The following SGTB variants were observed in gnomAD, a reference collection of about 807,000 sequenced individuals.
SGTB encodes the protein small glutamine-rich tetratricopeptide repeat-containing protein beta.
In SGTB, 19 loss-of-function variants were observed where a neutral mutation model predicts 43.9. The ratio of observed to expected loss-of-function variants is 0.43; its 90% CI spans 0.30 to 0.63. SGTB has a LOEUF of 0.63. Among genes scored for constraint, SGTB ranks in the 30% least tolerant of loss-of-function variants. The pLI is 0.12. For missense variants in SGTB, 304 were observed against 358.9 expected (o/e 0.85, Z 1.24); for synonymous variants, 116 against 117.3 (o/e 0.99, Z 0.07).
chr5:65,672,563 A>C (rs1581243616), intron 8 of SGTB, among the ~76,000 whole-genome samples: 1 of 152,320 alleles, frequency 6.6e-6, no homozygotes, highest in South Asian at 2.1e-4. Context: ...AATTAAGCCA[A>C]AAGGAAAAAT....
chr5:65,702,391 G>C (rs1757842431), intron 5 of SGTB, among the ~76,000 whole-genome samples: 1 of 152,152 alleles, frequency 6.6e-6, no homozygotes, highest in African/African-American at 2.4e-5. Context: ...GAAATACCTA[G>C]ACTTCTCTCT....
intron 3 of SGTB, among the ~76,000 whole-genome samples, chr5:65,711,410 A>C (rs1239346441): frequency 6.6e-6 from 1 of 152,320 alleles, no homozygotes; most frequent in South Asian, 2.1e-4. Flanking sequence ...CAATGGTGAC[A>C]GTAGCTAAAG....
intron 1 of SGTB, among the ~76,000 whole-genome samples, chr5:65,721,289 T>A (rs1758270891): frequency 6.6e-6 from 1 of 152,254 alleles, no homozygotes; most frequent in African/African-American, 2.4e-5. Context: ...TTGAGAGTTA[T>A]TTGATGAGGA....
chr5:65,671,912 T>TA lies in SGTB; in HGVS notation c.803+2dup. On this transcript the variant is annotated splice_region_variant and intron_variant, in intron 10 of 10. Transcript: ENST00000381007. ...CACTATTTCTGTTTTAAATAATACT[T>TA]ACGCTTGGATGAGGCTTGACAGGTC... 5 of 1,613,332 alleles carry TA rather than the reference T, an allele frequency of 3.1e-6. No homozygotes were observed. Among genetic ancestry groups the TA allele is most frequent in the Non-Finnish European group, 4.2e-6 (5 of 1,179,614 alleles).
At chr5:65,695,677 T>G (rs1009620806) in intron 5 of SGTB, among the ~76,000 whole-genome samples, 9 of 152,188 alleles carry the variant, frequency 5.9e-5, no homozygotes, top group African/African-American at 2.2e-4. Flanking sequence ...TGTTCTATTT[T>G]TACAGAGAGA....
chr5:65,711,646 T>C (rs1418925820), intron 3 of SGTB, among the ~76,000 whole-genome samples: 3 of 152,238 alleles, frequency 2.0e-5, no homozygotes, highest in African/African-American at 7.2e-5. Context: ...TATCTTGTCA[T>C]ACAATAAGAA....
chr5:65,679,510 A>G (rs1757352135), intron 8 of SGTB, among the ~76,000 whole-genome samples: 1 of 152,020 alleles, frequency 6.6e-6, no homozygotes, highest in Non-Finnish European at 1.5e-5. Flanking sequence ...CCAGCTACTC[A>G]GGAGGCTGAG....
At chr5:65,680,325 C>T (rs1376632723) in intron 8 of SGTB, among the ~76,000 whole-genome samples, 169 bp downstream of exon 8, 2 of 152,114 alleles carry the variant, frequency 1.3e-5, no homozygotes, top group Non-Finnish European at 2.9e-5. Flanking sequence ...TTTACCCCTG[C>T]ACTTGAAATA....
chr5:65,672,307 A>G lies in SGTB; in HGVS notation c.682-26T>C, dbSNP rs766595508. The G allele has an allele frequency of 3.1e-6, 5 of 1,612,722 alleles. No individual in the cohort carries two copies. In the African/African-American group the frequency reaches 4.0e-5, roughly 13 times the overall value. On this transcript the variant is annotated intron_variant, in intron 8 of 10. Coordinates refer to ENST00000381007, the MANE Select transcript of SGTB (RefSeq NM_019072.3). ...CTGGAATTGAAAAACAGCACCTCCC[A>G]TTAAAGGCAGTTAATATGTAGGGAT... is the stretch of plus-strand genomic sequence containing the variant.
intron 5 of SGTB, among the ~76,000 whole-genome samples, chr5:65,698,540 C>G (rs1304308294): frequency 6.6e-6 from 1 of 151,998 alleles, no homozygotes; most frequent in Non-Finnish European, 1.5e-5. Flanking sequence ...TAAGTGAGAC[C>G]TAATTAAACT....
intron 2 of SGTB, among the ~76,000 whole-genome samples, chr5:65,716,165 G>A (rs2150725048): frequency 6.6e-6 from 1 of 152,340 alleles, no homozygotes; most frequent in African/African-American, 2.4e-5. Flanking sequence ...AGCATTATCT[G>A]TGAAGACCAT....
intron 1 of SGTB, among the ~76,000 whole-genome samples, 175 bp from the exon 2 acceptor site, chr5:65,721,004 T>C (rs1049915451): frequency 1.3e-5 from 2 of 152,216 alleles, no homozygotes; most frequent in Non-Finnish European, 2.9e-5. Flanking sequence ...CACAAAGTAT[T>C]GTGAAGGTAA....
chr5:65,680,815 G>A, intron 6 of SGTB, 21 bp from the exon 7 acceptor site: 1 of 1,604,912 alleles, frequency 6.2e-7, no homozygotes, highest in Non-Finnish European at 8.5e-7. Flanking sequence ...TAGAATATAA[G>A]AATATCAGAT....
At chr5:65,721,562 C>T (rs1233974486) in intron 1 of SGTB, among the ~76,000 whole-genome samples, 2 of 152,170 alleles carry the variant, frequency 1.3e-5, no homozygotes, top group Non-Finnish European at 2.9e-5. Context: ...ATCGCATCAT[C>T]CATCTGCTCC....
chr5:65,686,247 G>A (rs1186012028), intron 5 of SGTB, among the ~76,000 whole-genome samples: 3 of 152,154 alleles, frequency 2.0e-5, no homozygotes. Context: ...TCTCACAACT[G>A]CAAAGGAGAA....
In SGTB at chr5:65,685,374, C is replaced by T. The variant is rs1757479131; in HGVS notation, c.473G>A (p.Arg158Lys). ...ACATCCTCCCAGAACTTACCCCATT[C>T]TCCCATAGGCCTTGCTGTACTTTGA... is the stretch of plus-strand genomic sequence containing the variant. ...IDSKYSKAYG[R>K]MGLALTALNK... The change falls in exon 6 of 11, where the codon AGA (arginine) becomes AAA (lysine). Residue 158 changes from arginine (R) to lysine (K), a missense_variant. Coordinates refer to ENST00000381007, the MANE Select transcript of SGTB (RefSeq NM_019072.3). The T allele has an allele frequency of 3.1e-6, 5 of 1,613,914 alleles. No individual in the cohort carries two copies. In the African/African-American group the frequency reaches 6.7e-5, roughly 22 times the overall value.
At chr5:65,714,793 C>T (rs533777271) in intron 2 of SGTB, among the ~76,000 whole-genome samples, 104 of 152,260 alleles carry the variant, frequency 6.8e-4, no homozygotes, top group African/African-American at 2.3e-3. Flanking sequence ...CTAGCCTGGG[C>T]GACAGAGCGA....
chr5:65,680,783 G>A lies in SGTB; in HGVS notation c.491C>T (p.Thr164Ile). ...TGCTTCTTCAAATTTATTCAAGGCA[G>A]TGAGGGCCAGCCTGAAGGGAATAGA... The part of the protein sequence containing the change: ...KAYGRMGLAL[T>I]ALNKFEEAVT... The change falls in exon 7 of 11, where the codon ACT becomes ATT. Residue 164 changes from threonine to isoleucine, a missense_variant. Transcript: ENST00000381007. 2 of 1,613,352 alleles carry A rather than the reference G, an allele frequency of 1.2e-6. No individual in the cohort carries two copies. Among genetic ancestry groups the A allele is most frequent in the Non-Finnish European group, 1.7e-6 (2 of 1,179,924 alleles).
At position 65,704,388 on chromosome 5, in the gene SGTB, A is replaced by G. The variant is rs754601800; in HGVS notation, c.275-10T>C. On this transcript the variant is annotated splice_polypyrimidine_tract_variant and intron_variant, in intron 4 of 10. Transcript: ENST00000381007. ...TTCATGTGGTTATTGCCTAAAATAAAGTAACCAGTATGTACAGTAAGTATA... is the reference window on the plus strand; with the variant it reads ...TTCATGTGGTTATTGCCTAAAATAAGGTAACCAGTATGTACAGTAAGTATA... 1.3e-6 allele frequency: 2 copies of G among 1,597,974 alleles called. No individual in the cohort carries two copies. The highest frequency in any genetic ancestry group is 2.2e-5 in the South Asian group (2 of 90,320).
Sources: gnomAD v4.1 joint callset for allele counts (sites outside exome capture counted in the v4.1 genomes callset) on GRCh38, gnomAD v4.1.1 for gene constraint, MANE v1.5 for transcripts, NCBI Gene and HGNC (gene_info 2026-07-23, HGNC 2026-07-21) for gene names.